The following FLT3 variants were observed in gnomAD, a reference collection of about 807,000 sequenced individuals.
The protein encoded by FLT3 is fms related receptor tyrosine kinase 3.
FLT3 carries 46 observed loss-of-function variants against 126.6 expected under a neutral mutation model. That is an observed-to-expected ratio of 0.36 (90% CI 0.29 to 0.46). The LOEUF (loss-of-function observed/expected upper bound fraction) is 0.46. Ranked by LOEUF, FLT3 falls within the 20% of genes least tolerant of loss-of-function variation. The pLI, the probability that FLT3 is intolerant of heterozygous loss-of-function variation, is 1.00. For missense variants in FLT3, 1,069 were observed against 1,190.3 expected (o/e 0.90, Z 1.50); for synonymous variants, 404 against 434.4 (o/e 0.93, Z 0.87).
intron 15 of FLT3, 139 bp downstream of exon 15, chr13:28,033,748 C>A: frequency 1.4e-6 from 1 of 691,998 alleles, no homozygotes; most frequent in Non-Finnish European, 2.6e-6. Flanking sequence ...GGGTTGACAC[C>A]CCAATCCACT....
At position 28,049,503 on chromosome 13, in the gene FLT3, T is replaced by C. The variant is rs1418329483; in HGVS notation, c.917A>G (p.Asn306Ser). The C allele has an allele frequency of 3.1e-6, 5 of 1,613,880 alleles. No individual in the cohort carries two copies. Among genetic ancestry groups the C allele is most frequent in the Non-Finnish European group, 4.2e-6 (5 of 1,179,920 alleles). ...NYFEMSTYST[N>S]RTMIRILFAF... Reference sequence around the variant, plus strand: ...AAACAGAATCCGTATCATAGTTCTGTTTGTTGAATAGGTACTCATCTCAAA... The same window carrying C: ...AAACAGAATCCGTATCATAGTTCTGCTTGTTGAATAGGTACTCATCTCAAA... Residue 306 changes from asparagine (N) to serine (S), a missense_variant, in exon 8 of 24, where the codon AAC (asparagine) becomes AGC (serine). Asn to Ser is a conservative substitution (Grantham distance 46). Coordinates refer to ENST00000241453, the MANE Select transcript of FLT3 (RefSeq NM_004119.3).
chr13:28,042,950 C>T (rs1221503772), intron 9 of FLT3, among the ~76,000 whole-genome samples: 1 of 151,784 alleles, frequency 6.6e-6, no homozygotes, highest in Non-Finnish European at 1.5e-5. Flanking sequence ...TTGTATGTGA[C>T]AGCCTGCTTT....
Position 28,061,903 on chromosome 13 carries a change from G to A in FLT3, c.332C>T (p.Ser111Phe), listed in dbSNP as rs144209806. 38 of 1,613,900 alleles carry A rather than the reference G, an allele frequency of 2.4e-5. No homozygotes were observed. The African/African-American group carries it at 4.7e-4, about 20-fold the overall frequency. The change falls in exon 3 of 24, where the codon TCC becomes TTC. Residue 111 changes from serine to phenylalanine, a missense_variant. Transcript: ENST00000241453. ...ATCAAAATGTGGCTGGCAATTCAGG[G>A]AGCTGTGCTTAAAGACCCAGAGACA... ...ISCLWVFKHS[S>F]LNCQPHFDLQ... is the part of the protein sequence containing the mutation.
chr13:28,009,982 T>A (rs1871222596), intron 23 of FLT3, among the ~76,000 whole-genome samples: 1 of 152,156 alleles, frequency 6.6e-6, no homozygotes, highest in Non-Finnish European at 1.5e-5. Flanking sequence ...TGCCCCCTTT[T>A]ATCAGCCCAC....
At chr13:28,044,694 C>T (rs1874702661) in intron 9 of FLT3, among the ~76,000 whole-genome samples, 1 of 152,128 alleles carries the variant, frequency 6.6e-6, no homozygotes, top group Non-Finnish European at 1.5e-5. Context: ...ACACCTGGTA[C>T]ATTATCAGTA....
intron 17 of FLT3, chr13:28,025,368 C>A: frequency 2.2e-6 from 1 of 453,096 alleles, no homozygotes; most frequent in South Asian, 1.6e-5. Flanking sequence ...AAGCGTTTCA[C>A]CATCCTTCTT....
rs1380942903 is a variant in FLT3 at position 28,047,725 on chromosome 13, A to G, written c.1205+550T>C. On this transcript the variant is annotated intron_variant, in intron 9 of 23. Transcript: ENST00000241453. ...AGACCTCATCTCAAAAAAAAAAAAAAAAAGAAAAAGAAAAAGAAAAGAAAA... is the reference window on the plus strand; with the variant it reads ...AGACCTCATCTCAAAAAAAAAAAAAGAAAGAAAAAGAAAAAGAAAAGAAAA... 2.0e-5 allele frequency among the ~76,000 whole-genome samples: 3 copies of G among 150,990 alleles called. No individual in the cohort carries two copies. The East Asian group carries it at 5.8e-4, about 29-fold the overall frequency.
intron 16 of FLT3, 95 bp from the exon 17 acceptor site, chr13:28,027,336 G>A (rs1222640797): frequency 3.2e-6 from 3 of 946,492 alleles, no homozygotes; most frequent in Non-Finnish European, 4.7e-6. Context: ...GGAGGGCTTG[G>A]TTCTCTGCTG....
At chr13:28,018,968 CT>C (rs371765349) in intron 19 of FLT3, among the ~76,000 whole-genome samples, 27,145 of 138,292 alleles carry the variant, frequency 0.2, 2,534 homozygotes, top group Middle Eastern at 0.26. Flanking sequence ...CATCTCTTTT[CT>C]TTTTTTTTTT....
At chr13:28,041,759 C>T (rs1368458851) in intron 9 of FLT3, among the ~76,000 whole-genome samples, 1 of 152,162 alleles carries the variant, frequency 6.6e-6, no homozygotes, top group African/African-American at 2.4e-5. Context: ...GGGTTTTCTA[C>T]AAATGGCCAG....
chr13:28,047,684 C>A (rs1165284476), intron 9 of FLT3, among the ~76,000 whole-genome samples: 13 of 139,694 alleles, frequency 9.3e-5, no homozygotes, highest in Admixed American at 6.2e-4. Flanking sequence ...TGCACTATAG[C>A]CTAGGTGACA....
chr13:28,035,250 T>G (rs1873725647), intron 12 of FLT3, among the ~76,000 whole-genome samples: 1 of 152,134 alleles, frequency 6.6e-6, no homozygotes, highest in African/African-American at 2.4e-5. Context: ...CCATGGAGAT[T>G]CACCACACTG....
chr13:28,056,401 T>C (rs1022649137), intron 4 of FLT3, among the ~76,000 whole-genome samples: 5 of 152,178 alleles, frequency 3.3e-5, no homozygotes, highest in Non-Finnish European at 7.3e-5. Flanking sequence ...GTTGTGTCAA[T>C]GTGTCGGGGG....
intron 23 of FLT3, among the ~76,000 whole-genome samples, chr13:28,007,953 T>C (rs1473183734): frequency 6.6e-6 from 1 of 152,220 alleles, no homozygotes; most frequent in African/African-American, 2.4e-5. Context: ...GCTATATCTC[T>C]ATTAATTCCT....
rs754142696 is a variant in FLT3 at position 28,070,579 on chromosome 13, G to A, written c.77C>T (p.Thr26Ile). ...VFSAMIFGTI[T>I]NQDLPVIKCV... ...CTTGATCACAGGCAGATCTTGATTT[G>A]TAATAGTCCCAAATATCATTGCAGA... The change falls in exon 2 of 24, where the codon ACA becomes ATA. Residue 26 changes from threonine (T) to isoleucine (I), a missense_variant. By Grantham distance (89) the Thr-to-Ile change is moderately conservative. Coordinates refer to ENST00000241453, the MANE Select transcript of FLT3 (RefSeq NM_004119.3). 6.2e-7 allele frequency: 1 copy of A among 1,602,054 alleles called. No individual in the cohort carries two copies. The highest frequency in any genetic ancestry group is 8.5e-7 in the Non-Finnish European group (1 of 1,170,444).
At chr13:28,040,390 A>G (rs891304228) in intron 9 of FLT3, among the ~76,000 whole-genome samples, 1 of 152,100 alleles carries the variant, frequency 6.6e-6, no homozygotes, top group African/African-American at 2.4e-5. Flanking sequence ...TTGGATACAG[A>G]AGATAAAGGG....
At chr13:28,034,610 G>A (rs767471270) in intron 12 of FLT3, among the ~76,000 whole-genome samples, 10 of 152,062 alleles carry the variant, frequency 6.6e-5, no homozygotes, top group Non-Finnish European at 1.3e-4. Flanking sequence ...AGAAAATTGC[G>A]GATTATTCTC....
chr13:28,008,216 G>A (rs1455810476), intron 23 of FLT3, among the ~76,000 whole-genome samples: 1 of 143,466 alleles, frequency 7.0e-6, no homozygotes, highest in Non-Finnish European at 1.5e-5. Context: ...TCAGGAAGCT[G>A]AGGTGGGAGG....
intron 20 of FLT3, 105 bp downstream of exon 20, chr13:28,018,362 G>T (rs1197234472): frequency 3.0e-6 from 4 of 1,322,166 alleles, no homozygotes; most frequent in Admixed American, 1.9e-5. Flanking sequence ...GTTTTTTGAT[G>T]TTACCATAAA....
Sources: gnomAD v4.1 joint callset for allele counts (sites outside exome capture counted in the v4.1 genomes callset) on GRCh38, gnomAD v4.1.1 for gene constraint, MANE v1.5 for transcripts, NCBI Gene and HGNC (gene_info 2026-07-23, HGNC 2026-07-21) for gene names.